The following OSBPL1A variants were observed in gnomAD, a reference collection of about 807,000 sequenced individuals.
OSBPL1A encodes oxysterol binding protein like 1A, also known as oxysterol-binding protein-related protein 1.
A neutral mutation model predicts 137.1 loss-of-function variants in OSBPL1A; 80 were observed. The observed-to-expected ratio is 0.58, with a 90% CI of 0.49 to 0.70. The LOEUF (loss-of-function observed/expected upper bound fraction) is 0.70, where lower values mean the gene tolerates loss of function less well. Among genes scored for constraint, OSBPL1A ranks in the 30% least tolerant of loss-of-function variants. The pLI is 0.00. For synonymous variants in OSBPL1A, 365 were observed against 389.7 expected (o/e 0.94, Z 0.75); for missense variants, 970 against 1,129.4 (o/e 0.86, Z 2.02).
intron 1 of OSBPL1A, among the ~76,000 whole-genome samples, chr18:24,385,995 G>T (rs751592432): frequency 1.3e-5 from 2 of 152,136 alleles, no homozygotes; most frequent in Non-Finnish European, 2.9e-5. Flanking sequence ...CAAGGCTGGC[G>T]GGCAGGAAAG....
At chr18:24,350,405 TAAAC>T (rs1355030407) in intron 4 of OSBPL1A, among the ~76,000 whole-genome samples, 1 of 152,166 alleles carries the variant, frequency 6.6e-6, no homozygotes, top group East Asian at 1.9e-4. Context: ...TACAGAGAAA[TAAAC>T]TAACTTTTTT....
chr18:24,348,179 C>T (rs149165973), intron 4 of OSBPL1A, among the ~76,000 whole-genome samples: 2 of 152,002 alleles, frequency 1.3e-5, no homozygotes, highest in African/African-American at 4.8e-5. Context: ...TGAAAAATAT[C>T]AACAATAAAT....
In OSBPL1A at chr18:24,317,405, G is replaced by A. The variant is rs2090756328; in HGVS notation, c.733-5C>T. 1 of 1,610,872 alleles carries A rather than the reference G, an allele frequency of 6.2e-7. No individual in the cohort carries two copies. Among genetic ancestry groups the A allele is most frequent in the South Asian group, 1.1e-5 (1 of 90,988 alleles). The stretch of plus-strand genomic sequence containing the variant: ...CCAGCCAAAAAATCTTGAACTCTAA[G>A]GGAAAAATAACAAAGATTTCCCAAG... On this transcript the variant is annotated splice_region_variant and splice_polypyrimidine_tract_variant and intron_variant, in intron 9 of 27. Transcript: ENST00000319481.
intron 13 of OSBPL1A, among the ~76,000 whole-genome samples, chr18:24,308,924 C>T (rs1173986297): frequency 6.6e-6 from 1 of 152,120 alleles, no homozygotes; most frequent in Non-Finnish European, 1.5e-5. Flanking sequence ...GCGCCCGCCA[C>T]CATGCCTGGC....
chr18:24,271,553 G>A lies in OSBPL1A; in HGVS notation c.1281+9289C>T, dbSNP rs2089718026. 2.0e-6 allele frequency: 2 copies of A among 986,716 alleles called. No individual in the cohort carries two copies. The highest frequency in any genetic ancestry group is 9.4e-5 in the South Asian group (2 of 21,304). The allele number at this position is 986,716 out of a possible 1,614,324, so 61.1% of individuals were successfully genotyped here. The stretch of plus-strand genomic sequence containing the variant: ...CAAGTCTGGCCGCCCTCCCCGCTCC[G>A]TCCCCCGGCGTCCTCCGTGGCCCCA... On this transcript the variant is annotated intron_variant, in intron 15 of 27. Transcript: ENST00000319481. The surrounding 1 kb of genome is among the most constrained non-coding windows in gnomAD (Gnocchi z 4.0).
In OSBPL1A at chr18:24,271,903, G is replaced by A. The variant is rs1038641348; in HGVS notation, c.1281+8939C>T. ...GGACTCCCGCGCCGCGCCCGCCCGG[G>A]CCGCAGAGGTCTGCGCTGCCCCTCC... On this transcript the variant is annotated intron_variant, in intron 15 of 27. Coordinates refer to ENST00000319481, the MANE Select transcript of OSBPL1A (RefSeq NM_080597.4). This position sits in a 1 kb window ranked among gnomAD's most constrained non-coding sequence, Gnocchi z 4.0. The A allele has an allele frequency of 4.1e-6, 4 of 984,430 alleles. No individual in the cohort carries two copies. Among genetic ancestry groups the A allele is most frequent in the Middle Eastern group, 5.2e-4 (1 of 1,912 alleles). 61.0% of individuals were successfully genotyped at this position (984,430 alleles called of 1,614,324 possible).
intron 1 of OSBPL1A, among the ~76,000 whole-genome samples, chr18:24,390,203 G>C (rs1029155571): frequency 6.6e-6 from 1 of 152,030 alleles, no homozygotes; most frequent in Non-Finnish European, 1.5e-5. Flanking sequence ...GAAGTATGGG[G>C]GTTCCTCAAA....
intron 16 of OSBPL1A, among the ~76,000 whole-genome samples, chr18:24,234,020 A>G (rs1407861785): frequency 6.6e-6 from 1 of 152,188 alleles, no homozygotes; most frequent in Non-Finnish European, 1.5e-5. Flanking sequence ...ACAAAAAAAG[A>G]AACTAATTCT....
intron 17 of OSBPL1A, among the ~76,000 whole-genome samples, chr18:24,205,024 T>C (rs1376566992): frequency 1.3e-5 from 2 of 152,242 alleles, no homozygotes; most frequent in Non-Finnish European, 2.9e-5. Flanking sequence ...AGTGGATGAA[T>C]ACTAATGGCT....
intron 15 of OSBPL1A, among the ~76,000 whole-genome samples, chr18:24,265,805 G>C (rs987004667): frequency 2.6e-5 from 4 of 152,084 alleles, no homozygotes; most frequent in Admixed American, 1.3e-4. Flanking sequence ...CTCTCCCAGG[G>C]GAAAGACATC....
At chr18:24,262,773 C>G (rs891949974) in intron 15 of OSBPL1A, among the ~76,000 whole-genome samples, 10 of 148,000 alleles carry the variant, frequency 6.8e-5, no homozygotes, top group African/African-American at 2.5e-4. Context: ...TTCACGGTCA[C>G]TGTCCCCCTT....
chr18:24,271,746 G>C lies in OSBPL1A; in HGVS notation c.1281+9096C>G. On this transcript the variant is annotated intron_variant, in intron 15 of 27. Transcript: ENST00000319481. The surrounding 1 kb of genome is among the most constrained non-coding windows in gnomAD (Gnocchi z 4.0). ...GTCGAGCCGAGGCGAGCCGATCCGG[G>C]AGGCGCGACCCAGGGCGGCCCGCAA... 1 of 985,612 alleles carries C rather than the reference G, an allele frequency of 1.0e-6. No individual in the cohort carries two copies. Among genetic ancestry groups the C allele is most frequent in the Non-Finnish European group, 1.2e-6 (1 of 830,142 alleles). 61.1% of individuals were successfully genotyped at this position (985,612 alleles called of 1,614,324 possible).
chr18:24,250,875 C>T (rs275865), intron 15 of OSBPL1A, among the ~76,000 whole-genome samples: 87,723 of 151,946 alleles, frequency 0.58, 25,916 homozygotes, highest in East Asian at 0.89. Flanking sequence ...GGGGAGCCCA[C>T]TGCCCTGAAG....
At chr18:24,165,237 A>T in intron 26 of OSBPL1A, 82 bp from the exon 27 acceptor site, 1 of 1,216,476 alleles carries the variant, frequency 8.2e-7, no homozygotes, top group African/African-American at 1.5e-5. Flanking sequence ...GAACTTCACA[A>T]AAGAACCATA....
rs1253257750 is a variant in OSBPL1A, at chr18:24,314,346, A to AC, written c.871dup (p.Val291GlyfsTer5). 1 of 1,597,968 alleles carries AC rather than the reference A, an allele frequency of 6.3e-7. No homozygotes were observed. Among genetic ancestry groups the AC allele is most frequent in the Non-Finnish European group, 8.5e-7 (1 of 1,172,244 alleles). On this transcript the variant is annotated frameshift_variant and splice_region_variant, in exon 12 of 28. Transcript: ENST00000319481. LOFTEE classifies it high-confidence loss of function. ...GAAGAGGCAGCTATCAGTGGATTTT[A>AC]CCTTGGATATAAAGAAGTCAGTAAG... is the stretch of plus-strand genomic sequence containing the variant.
intron 15 of OSBPL1A, among the ~76,000 whole-genome samples, chr18:24,263,660 G>T (rs1034242539): frequency 5.9e-5 from 9 of 151,996 alleles, no homozygotes; most frequent in Admixed American, 2.0e-4. Context: ...TTTTGAAACG[G>T]AGTTGCACTC....
intron 15 of OSBPL1A, among the ~76,000 whole-genome samples, chr18:24,242,822 T>C (rs998981215): frequency 6.6e-6 from 1 of 152,174 alleles, no homozygotes; most frequent in Admixed American, 6.6e-5. Flanking sequence ...CTCATGTAAT[T>C]ACAATTTTTA....
intron 17 of OSBPL1A, among the ~76,000 whole-genome samples, chr18:24,215,454 AAACCAACC>A (rs750657462): frequency 6.6e-6 from 1 of 152,232 alleles, no homozygotes; most frequent in African/African-American, 2.4e-5. Flanking sequence ...AACACAAGGC[AAACCAACC>A]AACCAACCAA....
intron 20 of OSBPL1A, chr18:24,179,024 G>T (rs552777129): frequency 6.6e-6 from 1 of 152,282 alleles, no homozygotes; most frequent in East Asian, 1.9e-4. Flanking sequence ...TTTTAATAAA[G>T]AGATATTTTT....
Sources: allele counts gnomAD v4.1 joint callset (sites outside exome capture counted in the v4.1 genomes callset), GRCh38; gene constraint gnomAD v4.1.1; non-coding constraint Gnocchi (gnomAD v3.1); transcripts MANE v1.5; gene names NCBI Gene and HGNC (gene_info 2026-07-23, HGNC 2026-07-21).